The following STXBP5L variants were observed in gnomAD, a reference collection of about 807,000 sequenced individuals.
STXBP5L encodes the protein syntaxin binding protein 5L.
Under a neutral mutation model 144.5 loss-of-function variants are expected in STXBP5L, and 65 were observed. That is an observed-to-expected ratio of 0.45 (90% CI 0.37 to 0.55). The LOEUF is 0.55. Among genes scored for constraint, STXBP5L ranks in the 20% least tolerant of loss-of-function variants. The pLI, the probability that STXBP5L is intolerant of heterozygous loss-of-function variation, is 0.00. For missense variants in STXBP5L, 1,298 were observed against 1,405.5 expected (o/e 0.92, Z 1.22); for synonymous variants, 505 against 469.6 (o/e 1.08, Z -0.97).
At chr3:120,955,870 T>C (rs1462823935) in intron 3 of STXBP5L, among the ~76,000 whole-genome samples, 1 of 152,086 alleles carries the variant, frequency 6.6e-6, no homozygotes, top group African/African-American at 2.4e-5. Flanking sequence ...TCAAAAATGT[T>C]ATATAAATGG....
rs1011485941 is a variant in STXBP5L, at chr3:121,012,626, C to T, written c.288-29074C>T. Among the ~76,000 whole-genome samples the T allele has an allele frequency of 3.3e-5, 5 of 151,626 alleles. No individual in the cohort carries two copies. In the East Asian group the frequency reaches 7.7e-4, roughly 23 times the overall value. On this transcript the variant is annotated intron_variant, in intron 3 of 26. Transcript: ENST00000471454. ...CATTTATTGTCAGTTTGTATATTTC[C>T]TTTAGAGAAATGTCGATTTAAATAT...
chr3:121,332,407 C>CAAA (rs201605873), intron 20 of STXBP5L, among the ~76,000 whole-genome samples: 5 of 86,532 alleles, frequency 5.8e-5, no homozygotes, highest in Non-Finnish European at 1.3e-4. Context: ...TAGATATTTT[C>CAAA]AAAAAAAAAA....
chr3:121,074,393 C>T (rs973562857), intron 5 of STXBP5L, among the ~76,000 whole-genome samples: 10 of 152,210 alleles, frequency 6.6e-5, no homozygotes, highest in African/African-American at 1.9e-4. Flanking sequence ...GCTTTAACAC[C>T]GGTACCAATG....
At chr3:121,004,180 G>T (rs1489061032) in intron 3 of STXBP5L, among the ~76,000 whole-genome samples, 1 of 152,168 alleles carries the variant, frequency 6.6e-6, no homozygotes, top group Non-Finnish European at 1.5e-5. Flanking sequence ...TCCTACCCAT[G>T]ATCATGGAAT....
intron 20 of STXBP5L, among the ~76,000 whole-genome samples, chr3:121,343,331 G>T (rs2044807901): frequency 6.6e-6 from 1 of 151,616 alleles, no homozygotes; most frequent in Admixed American, 6.6e-5. Flanking sequence ...TTGCTGTGCA[G>T]AAGCTCTTTA....
intron 5 of STXBP5L, among the ~76,000 whole-genome samples, chr3:121,084,601 C>A (rs1328001536): frequency 6.6e-6 from 1 of 152,164 alleles, no homozygotes; most frequent in Non-Finnish European, 1.5e-5. Flanking sequence ...TTTATTCAGT[C>A]TATCATTGAT....
At chr3:121,372,224 G>A (rs1362205567) in intron 20 of STXBP5L, among the ~76,000 whole-genome samples, 1 of 152,164 alleles carries the variant, frequency 6.6e-6, no homozygotes, top group Non-Finnish European at 1.5e-5. Context: ...CAGGCTGGGG[G>A]CCTGGGAGAG....
chr3:121,248,469 C>T (rs189954167), intron 14 of STXBP5L, among the ~76,000 whole-genome samples: 95 of 152,236 alleles, frequency 6.2e-4, no homozygotes, highest in East Asian at 5.8e-4. Context: ...ATGTCTTTTG[C>T]CCACTTTTTA....
intron 11 of STXBP5L, among the ~76,000 whole-genome samples, chr3:121,230,025 G>C (rs1174566324): frequency 6.6e-6 from 1 of 152,066 alleles, no homozygotes; most frequent in African/African-American, 2.4e-5. Flanking sequence ...AAAATGACTT[G>C]TACATTTAAT....
At chr3:121,415,993 A>G (rs1351096903) in intron 25 of STXBP5L, 25 bp downstream of exon 25, 1 of 1,576,782 alleles carries the variant, frequency 6.3e-7, no homozygotes, top group Non-Finnish European at 8.7e-7. Flanking sequence ...GATTATAGAA[A>G]TGTATTGCAA....
intron 3 of STXBP5L, among the ~76,000 whole-genome samples, chr3:121,037,370 C>T (rs1352729521): frequency 6.6e-6 from 1 of 151,708 alleles, no homozygotes; most frequent in Non-Finnish European, 1.5e-5. Context: ...GCCTCACCGT[C>T]CTTACTATCT....
At chr3:120,959,759 A>T (rs1323591374) in intron 3 of STXBP5L, among the ~76,000 whole-genome samples, 1 of 152,206 alleles carries the variant, frequency 6.6e-6, no homozygotes, top group African/African-American at 2.4e-5. Flanking sequence ...TTAATTCAAG[A>T]TGGATTAAAG....
intron 20 of STXBP5L, among the ~76,000 whole-genome samples, chr3:121,340,217 T>G (rs888399023): frequency 6.6e-6 from 1 of 152,078 alleles, no homozygotes; most frequent in African/African-American, 2.4e-5. Flanking sequence ...CGTAGACCAA[T>G]AGAACACAAC....
intron 23 of STXBP5L, among the ~76,000 whole-genome samples, chr3:121,409,864 G>A (rs1000642092): frequency 5.3e-5 from 8 of 151,446 alleles, no homozygotes; most frequent in African/African-American, 1.9e-4. Context: ...TTTTCCCCTG[G>A]TATTGATTAT....
intron 11 of STXBP5L, among the ~76,000 whole-genome samples, chr3:121,227,657 C>T (rs762223482): frequency 6.6e-5 from 10 of 152,004 alleles, no homozygotes; most frequent in Non-Finnish European, 1.0e-4. Context: ...GAATTTAAAA[C>T]AATAACTGTG....
intron 20 of STXBP5L, among the ~76,000 whole-genome samples, chr3:121,377,603 A>G (rs1472012810): frequency 6.6e-6 from 1 of 152,252 alleles, no homozygotes; most frequent in Non-Finnish European, 1.5e-5. Context: ...AGAGAAATGC[A>G]AATCAAAACC....
chr3:121,221,940 T>G (rs561997010), intron 10 of STXBP5L, among the ~76,000 whole-genome samples: 5 of 151,940 alleles, frequency 3.3e-5, no homozygotes, highest in Non-Finnish European at 5.9e-5. Flanking sequence ...TGATAATGTT[T>G]GGCGCCACAC....
At chr3:121,418,276 C>G in intron 25 of STXBP5L, 61 bp from the exon 26 acceptor site, 1 of 1,516,880 alleles carries the variant, frequency 6.6e-7, no homozygotes. Context: ...GTCTTGGTGA[C>G]AAGCTTGACT....
chr3:120,943,321 CAA>C (rs1202776782), intron 2 of STXBP5L, among the ~76,000 whole-genome samples: 3 of 151,654 alleles, frequency 2.0e-5, no homozygotes, highest in Admixed American at 2.0e-4. Flanking sequence ...ACAACATTTG[CAA>C]AGACATTTAT....
Sources: gnomAD v4.1 joint callset for allele counts (sites outside exome capture counted in the v4.1 genomes callset) on GRCh38, gnomAD v4.1.1 for gene constraint, MANE v1.5 for transcripts, NCBI Gene and HGNC (gene_info 2026-07-23, HGNC 2026-07-21) for gene names.